The following CPXM2 variants were observed in gnomAD, a reference collection of about 807,000 sequenced individuals.
CPXM2 encodes the protein inactive carboxypeptidase-like protein X2.
A neutral mutation model predicts 86.1 loss-of-function variants in CPXM2; 66 were observed. That is an observed-to-expected ratio of 0.77 (90% CI 0.63 to 0.94). CPXM2 has a LOEUF of 0.94. Among genes scored for constraint, CPXM2 ranks in the 40% least tolerant of loss-of-function variants. CPXM2 has a pLI of 0.00. For missense variants in CPXM2, 948 were observed against 1,026.3 expected (o/e 0.92, Z 1.04); for synonymous variants, 388 against 400.2 (o/e 0.97, Z 0.36).
chr10:123,799,317 G>T, intron 4 of CPXM2, 118 bp from the exon 5 acceptor site: 1 of 1,177,806 alleles, frequency 8.5e-7, no homozygotes, highest in Non-Finnish European at 1.2e-6. Context: ...GTCAAACCCT[G>T]GCTCCAGGAC....
intron 4 of CPXM2, among the ~76,000 whole-genome samples, chr10:123,823,139 T>A (rs191679816): frequency 1.3e-5 from 2 of 152,194 alleles, no homozygotes; most frequent in African/African-American, 4.8e-5. Context: ...AAATTTTACC[T>A]CCCAAGCTCC....
intron 6 of CPXM2, among the ~76,000 whole-genome samples, chr10:123,791,110 C>G (rs1396021290): frequency 1.3e-5 from 2 of 152,130 alleles, no homozygotes; most frequent in Non-Finnish European, 2.9e-5. Context: ...GCACACCACA[C>G]TCCAGGTGGC....
At chr10:123,915,430 C>T (rs914651410) in intron 2 of CPXM2, among the ~76,000 whole-genome samples, 13 of 152,096 alleles carry the variant, frequency 8.5e-5, no homozygotes, top group Admixed American at 2.0e-4. Context: ...TGATGGCAGG[C>T]GCCTGTAGTC....
chr10:123,797,921 A>T (rs541572367), intron 6 of CPXM2, 55 bp downstream of exon 6: 1 of 1,462,220 alleles, frequency 6.8e-7, no homozygotes, highest in African/African-American at 1.4e-5. Flanking sequence ...TTGGCTGGGC[A>T]TCTGTTTTCC....
At chr10:123,881,973 G>C (rs1354455164) in intron 1 of CPXM2, among the ~76,000 whole-genome samples, 1 of 152,210 alleles carries the variant, frequency 6.6e-6, no homozygotes, top group Non-Finnish European at 1.5e-5. Context: ...GAAGAGGCAG[G>C]GCAGGTCTGT....
chr10:123,851,768 CAAAA>C (rs58638640), intron 3 of CPXM2, among the ~76,000 whole-genome samples: 4 of 101,054 alleles, frequency 4.0e-5, no homozygotes, highest in Admixed American at 1.0e-4. Context: ...GACATCATCT[CAAAA>C]AAAAAAAAAA....
chr10:123,746,732 G>C lies in CPXM2; in HGVS notation c.*32C>G, dbSNP rs762625616. On this transcript the variant is annotated 3_prime_UTR_variant, in exon 14 of 14. Transcript: ENST00000241305. ...CTACCAGGTTGGTTTAATTTGCATGGGTCCCAGACGAGTCTCAAGGGCCCA... is the reference window on the plus strand; with the variant it reads ...CTACCAGGTTGGTTTAATTTGCATGCGTCCCAGACGAGTCTCAAGGGCCCA... 60 of 1,608,596 alleles carry C rather than the reference G, an allele frequency of 3.7e-5. 1 individual carries two copies. In the South Asian group the frequency reaches 6.4e-4, roughly 17 times the overall value.
chr10:123,811,025 C>A (rs1377810235), intron 4 of CPXM2, among the ~76,000 whole-genome samples: 1 of 151,684 alleles, frequency 6.6e-6, no homozygotes, highest in Non-Finnish European at 1.5e-5. Context: ...TCTAGCATAT[C>A]GATTTTAAAT....
At chr10:123,870,633 T>C (rs1944878936) in intron 2 of CPXM2, among the ~76,000 whole-genome samples, 1 of 152,148 alleles carries the variant, frequency 6.6e-6, no homozygotes, top group African/African-American at 2.4e-5. Flanking sequence ...ACAGGGCCTC[T>C]CTCTGGGTCT....
intron 2 of CPXM2, among the ~76,000 whole-genome samples, chr10:123,901,148 T>C (rs976096275): frequency 6.6e-6 from 1 of 152,202 alleles, no homozygotes; most frequent in African/African-American, 2.4e-5. Flanking sequence ...TCACTAATTC[T>C]CAAGCTGCAA....
chr10:123,842,856 T>C (rs534319391), intron 3 of CPXM2, among the ~76,000 whole-genome samples: 1 of 152,300 alleles, frequency 6.6e-6, no homozygotes, highest in Non-Finnish European at 1.5e-5. Flanking sequence ...AACCTCGCCA[T>C]CTAGGCAGGA....
intron 3 of CPXM2, chr10:123,843,391 C>T (rs561406589): frequency 1.4e-5 from 5 of 351,326 alleles, no homozygotes; most frequent in South Asian, 2.2e-5. Context: ...GAAGCATCCT[C>T]GTTTATTAAC....
At chr10:123,840,350 AT>A (rs762077804) in intron 4 of CPXM2, among the ~76,000 whole-genome samples, 1 of 152,244 alleles carries the variant, frequency 6.6e-6, no homozygotes, top group Non-Finnish European at 1.5e-5. Flanking sequence ...AGCAAGGCAA[AT>A]AAAATGTGAT....
chr10:123,798,964 G>A, intron 5 of CPXM2, 151 bp downstream of exon 5: 1 of 838,152 alleles, frequency 1.2e-6, no homozygotes, highest in South Asian at 1.7e-5. Flanking sequence ...TTCAGGGCAG[G>A]GAAAGGGTCT....
intron 2 of CPXM2, among the ~76,000 whole-genome samples, chr10:123,916,626 A>ACACTGTGTTC (rs1372720372): frequency 1.3e-5 from 2 of 152,152 alleles, no homozygotes; most frequent in African/African-American, 4.8e-5. Flanking sequence ...CAGGGCAGGG[A>ACACTGTGTTC]CACTGTGTTC....
intron 3 of CPXM2, among the ~76,000 whole-genome samples, chr10:123,855,049 C>T (rs899313491): frequency 6.6e-6 from 1 of 151,444 alleles, no homozygotes; most frequent in East Asian, 1.9e-4. Context: ...GAAATAAGAA[C>T]AGCATATTAC....
chr10:123,842,392 T>C lies in CPXM2; in HGVS notation c.610A>G (p.Arg204Gly), dbSNP rs754934044. 26 of 1,614,138 alleles carry C rather than the reference T, an allele frequency of 1.6e-5. 1 individual carries two copies. In the South Asian group the frequency reaches 2.6e-4, roughly 16 times the overall value. The change falls in exon 4 of 14, where the codon AGA becomes GGA. Residue 204 changes from arginine (R) to glycine (G), a missense_variant. Arg to Gly is a moderately radical substitution (Grantham distance 125). Coordinates refer to ENST00000241305, the MANE Select transcript of CPXM2 (RefSeq NM_198148.3). ...CCTTGAGTGATGACACCAGTGAATC[T>C]GGTCAGGCGCCGAGCATCCACTTCA... ...WIEVDARRLT[R>G]FTGVITQGRN...
At chr10:123,872,882 C>T (rs1417622579) in intron 2 of CPXM2, among the ~76,000 whole-genome samples, 2 of 151,598 alleles carry the variant, frequency 1.3e-5, no homozygotes, top group Non-Finnish European at 2.9e-5. Flanking sequence ...ACTGTTCATC[C>T]TTTGTATAAT....
In CPXM2 at chr10:123,816,256, T is replaced by C. The variant is rs531626010; in HGVS notation, c.654-17057A>G. Among the ~76,000 whole-genome samples the C allele has an allele frequency of 3.3e-5, 5 of 152,278 alleles. 1 individual carries two copies. The highest frequency in any genetic ancestry group is 1.2e-4 in the African/African-American group (5 of 41,566). The stretch of plus-strand genomic sequence containing the variant: ...CTCCCTGGATTCATCCTGTGGTCAC[T>C]TCCCCAGTGCCAGAATGCATAATTG... On this transcript the variant is annotated intron_variant, in intron 4 of 13. Coordinates refer to ENST00000241305, the MANE Select transcript of CPXM2 (RefSeq NM_198148.3).
Sources: gnomAD v4.1 joint callset for allele counts (sites outside exome capture counted in the v4.1 genomes callset) on GRCh38, gnomAD v4.1.1 for gene constraint, MANE v1.5 for transcripts, NCBI Gene and HGNC (gene_info 2026-07-23, HGNC 2026-07-21) for gene names.